ST3GAL3: variants seen among roughly 807,000 people sequenced by gnomAD.
ST3GAL3 encodes the protein ST3 beta-galactoside alpha-2,3-sialyltransferase 3, also known as CMP-N-acetylneuraminate-beta-1,4-galactoside alpha-2,3-sialyltransferase.
A neutral mutation model predicts 50.1 loss-of-function variants in ST3GAL3; 21 were observed. The observed-to-expected ratio is 0.42, with a 90% CI of 0.30 to 0.60. The LOEUF (loss-of-function observed/expected upper bound fraction) is 0.60, where lower values mean the gene tolerates loss of function less well. Among genes scored for constraint, ST3GAL3 ranks in the 20% least tolerant of loss-of-function variants. ST3GAL3 has a pLI of 0.19. For missense variants in ST3GAL3, 353 were observed against 489.4 expected, an observed-to-expected ratio of 0.72 and a Z score of 2.63; for synonymous variants, 183 against 190.0, an observed-to-expected ratio of 0.96 and a Z score of 0.30.
At position 43,830,496 on chromosome 1, in the gene ST3GAL3, C is replaced by T. The variant is rs1036450134; in HGVS notation, c.210-7723C>T. ...TGGTTTGTACTGTGGCTTTGAATAA[C>T]TCTAACCTCTATTACATAGCCCCTG... On this transcript the variant is annotated intron_variant, in intron 4 of 11. Coordinates refer to ENST00000347631, the MANE Select transcript of ST3GAL3 (RefSeq NM_006279.5). Among the ~76,000 whole-genome samples, 13 of 152,196 alleles carry T rather than the reference C, an allele frequency of 8.5e-5. No homozygotes were observed. The East Asian group carries it at 2.1e-3, about 25-fold the overall frequency.
At position 43,850,621 on chromosome 1, in the gene ST3GAL3, C is replaced by T. The variant is rs1000561857; in HGVS notation, c.302+12310C>T. The T allele has an allele frequency of 2.0e-5, 15 of 756,220 alleles. No homozygotes were observed. The African/African-American group carries it at 2.4e-4, about 12-fold the overall frequency. 46.8% of individuals were successfully genotyped at this position (756,220 alleles called of 1,614,324 possible). A position where few individuals can be genotyped will look rare whatever the true frequency, so the allele number is the denominator to read the frequency against. On this transcript the variant is annotated intron_variant, in intron 5 of 11. Transcript: ENST00000347631. The stretch of plus-strand genomic sequence containing the variant: ...CAGGCAATAGAACAGGCTTCTAGGA[C>T]CTTCTCAGCCCTTCTGCCATCTGTG...
chr1:43,924,185 A>C (rs2083510970), intron 11 of ST3GAL3, among the ~76,000 whole-genome samples: 1 of 152,118 alleles, frequency 6.6e-6, no homozygotes, highest in African/African-American at 2.4e-5. Context: ...GTTGTCTCGG[A>C]TAGGGTTCAG....
chr1:43,847,477 T>C (rs2066453358), intron 5 of ST3GAL3, among the ~76,000 whole-genome samples: 1 of 152,202 alleles, frequency 6.6e-6, no homozygotes, highest in Non-Finnish European at 1.5e-5. Context: ...TTCTGACACA[T>C]ATTACAACAT....
chr1:43,895,992 C>G (rs1232022033), intron 6 of ST3GAL3, among the ~76,000 whole-genome samples: 2 of 152,216 alleles, frequency 1.3e-5, no homozygotes, highest in African/African-American at 4.8e-5. Context: ...GCAATATGCT[C>G]TTCCTTAAAG....
At chr1:43,928,091 G>A (rs1478990153) in intron 11 of ST3GAL3, among the ~76,000 whole-genome samples, 2 of 152,192 alleles carry the variant, frequency 1.3e-5, no homozygotes, top group African/African-American at 2.4e-5. Context: ...AGGTGGAGAA[G>A]GTTGACTGGA....
intron 2 of ST3GAL3, among the ~76,000 whole-genome samples, chr1:43,759,495 A>G (rs1292576580): frequency 2.0e-5 from 3 of 152,198 alleles, no homozygotes; most frequent in Non-Finnish European, 2.9e-5. Context: ...CCAGCACTTA[A>G]TATCTGAAAC....
rs1299969031 is a variant in ST3GAL3, at chr1:43,838,212, C to T, written c.210-7C>T. On this transcript the variant is annotated splice_polypyrimidine_tract_variant and splice_region_variant and intron_variant, in intron 4 of 11. Transcript: ENST00000347631. ...GGCAAGCTGTAACTTTCCTTCTCTT[C>T]CCATAGGCCTGCTGAATTAGCCACC... The T allele has an allele frequency of 1.9e-6, 3 of 1,610,222 alleles. No individual in the cohort carries two copies. In the African/African-American group the frequency reaches 4.0e-5, roughly 22 times the overall value.
intron 2 of ST3GAL3, among the ~76,000 whole-genome samples, chr1:43,778,644 CTTT>C (rs35726867): frequency 1.7e-4 from 20 of 118,702 alleles, no homozygotes; most frequent in Non-Finnish European, 1.4e-4. Context: ...TTCTTTTTTT[CTTT>C]TTTTTTTTTT....
intron 3 of ST3GAL3, among the ~76,000 whole-genome samples, chr1:43,810,408 T>C (rs1448836294): frequency 6.6e-6 from 1 of 152,004 alleles, no homozygotes; most frequent in Non-Finnish European, 1.5e-5. Flanking sequence ...GCCGGGTGGT[T>C]GGAATCGTGA....
chr1:43,906,262 ACTC>A (rs1222875865), intron 9 of ST3GAL3, among the ~76,000 whole-genome samples: 3 of 13,934 alleles, frequency 2.2e-4, no homozygotes, highest in Admixed American at 6.8e-4. Flanking sequence ...TCTTCCCCTG[ACTC>A]CTCCTCCTCC....
At chr1:43,763,586 T>A (rs1284697185) in intron 2 of ST3GAL3, among the ~76,000 whole-genome samples, 1 of 152,222 alleles carries the variant, frequency 6.6e-6, no homozygotes, top group Admixed American at 6.5e-5. Context: ...AGCTTTTTAA[T>A]GGAGCTTTGA....
chr1:43,810,723 C>T (rs2060457459), intron 3 of ST3GAL3, among the ~76,000 whole-genome samples: 1 of 152,108 alleles, frequency 6.6e-6, no homozygotes. Context: ...CCTAGCCTTT[C>T]CCCAGGAGTT....
chr1:43,916,781 C>A (rs2154291290), intron 9 of ST3GAL3: 1 of 152,238 alleles, frequency 6.6e-6, no homozygotes, highest in African/African-American at 2.4e-5. Context: ...CACTATATTG[C>A]CCAGGCTGGT....
intron 3 of ST3GAL3, among the ~76,000 whole-genome samples, chr1:43,796,691 A>G (rs566256268): frequency 8.5e-5 from 13 of 152,384 alleles, no homozygotes; most frequent in African/African-American, 2.6e-4. Flanking sequence ...AAGATTCAGA[A>G]TATCCCAGAT....
intron 4 of ST3GAL3, among the ~76,000 whole-genome samples, chr1:43,835,300 G>T (rs1201995980): frequency 1.3e-5 from 2 of 152,064 alleles, no homozygotes; most frequent in African/African-American, 4.8e-5. Flanking sequence ...ACCGCTAACT[G>T]CCCCAGAGGT....
intron 4 of ST3GAL3, among the ~76,000 whole-genome samples, chr1:43,824,555 A>G (rs2062532231): frequency 6.6e-6 from 1 of 152,202 alleles, no homozygotes; most frequent in South Asian, 2.1e-4. Context: ...TTCTATAGCT[A>G]GCACAAGCCA....
intron 2 of ST3GAL3, among the ~76,000 whole-genome samples, chr1:43,747,504 T>A (rs996329173): frequency 6.7e-6 from 1 of 149,862 alleles, no homozygotes; most frequent in Non-Finnish European, 1.5e-5. Flanking sequence ...CATGCCACTC[T>A]CCCGCACCTC....
At chr1:43,877,582 A>G (rs372011258) in intron 5 of ST3GAL3, among the ~76,000 whole-genome samples, 11 of 152,174 alleles carry the variant, frequency 7.2e-5, no homozygotes, top group Admixed American at 2.0e-4. Flanking sequence ...ATCTTGGACA[A>G]GATACTCCAG....
intron 9 of ST3GAL3, among the ~76,000 whole-genome samples, chr1:43,905,348 T>TTTC (rs2154278074): frequency 1.2e-5 from 1 of 84,098 alleles, no homozygotes; most frequent in Non-Finnish European, 2.3e-5. Context: ...CCCACCACTC[T>TTTC]TCCCCCTCCT....
Sources: gnomAD v4.1 joint callset for allele counts (sites outside exome capture counted in the v4.1 genomes callset) on GRCh38, gnomAD v4.1.1 for gene constraint, MANE v1.5 for transcripts, NCBI Gene and HGNC (gene_info 2026-07-23, HGNC 2026-07-21) for gene names.